MRPL37: variants seen among roughly 807,000 people sequenced by gnomAD.
MRPL37 encodes the protein mitochondrial ribosomal protein L37, also known as large ribosomal subunit protein mL37.
MRPL37 carries 34 observed loss-of-function variants against 44.1 expected under a neutral mutation model. That is an observed-to-expected ratio of 0.77 (90% CI 0.59 to 1.03). The LOEUF is 1.03. Among genes scored for constraint, MRPL37 ranks in the 50% least tolerant of loss-of-function variants. The pLI is 0.00. For missense variants in MRPL37, 532 were observed against 543.7 expected, an observed-to-expected ratio of 0.98 and a Z score of 0.21; for synonymous variants, 212 against 219.5, an observed-to-expected ratio of 0.97 and a Z score of 0.30.
chr1:54,218,854 C>T (rs1644215181), downstream of MRPL37, among the ~76,000 whole-genome samples: 1 of 152,202 alleles, frequency 6.6e-6, no homozygotes, highest in Non-Finnish European at 1.5e-5. Context: ...CTGCACACAC[C>T]CCTTACAAGG....
intron 3 of MRPL37, among the ~76,000 whole-genome samples, chr1:54,207,202 G>A (rs780168700): frequency 6.6e-6 from 1 of 152,156 alleles, no homozygotes; most frequent in Non-Finnish European, 1.5e-5. Flanking sequence ...TGTATTGTCA[G>A]TATCTACTGT....
chr1:54,201,361 G>C (rs1222411226), intron 1 of MRPL37, among the ~76,000 whole-genome samples: 1 of 152,188 alleles, frequency 6.6e-6, no homozygotes, highest in Non-Finnish European at 1.5e-5. Flanking sequence ...CAATTGGCCA[G>C]CCTCTTAAGC....
In MRPL37 at chr1:54,216,190, C is replaced by T. The variant is rs753105572; in HGVS notation, c.1040C>T (p.Thr347Met). The change falls in exon 6 of 7, where the codon ACG (threonine) becomes ATG (methionine). Residue 347 changes from threonine to methionine, a missense_variant. Transcript: ENST00000360840. ...EQPVVVQSVG[T>M]DGRVFHFLVF... ...CCCGTGGTGGTGCAGAGCGTGGGCA[C>T]GGATGGACGTGTCTTCCATTTCCTA... 10 of 1,614,098 alleles carry T rather than the reference C, an allele frequency of 6.2e-6. No homozygotes were observed. The highest frequency in any genetic ancestry group is 4.5e-5 in the East Asian group (2 of 44,902).
At chr1:54,225,114 T>A (rs1003356227), downstream of MRPL37, 13 of 1,234,188 alleles carry the variant, frequency 1.1e-5, no homozygotes, top group African/African-American at 1.6e-4. Context: ...GGAACCTTTT[T>A]CTACTTCCAG....
chr1:54,210,267 G>A (rs1389360685), intron 4 of MRPL37, 136 bp downstream of exon 4: 1 of 783,458 alleles, frequency 1.3e-6, no homozygotes, highest in Non-Finnish European at 2.0e-6. Flanking sequence ...GATCCATGTG[G>A]CAGCCCCATG....
chr1:54,216,487 C>G (rs1644198592), intron 6 of MRPL37, 143 bp downstream of exon 6: 1 of 948,376 alleles, frequency 1.1e-6, no homozygotes, highest in South Asian at 1.6e-5. Flanking sequence ...GCCTGGAGGA[C>G]TCCTTCAGTC....
downstream of MRPL37, chr1:54,225,208 T>C (rs1644268779): frequency 8.1e-7 from 1 of 1,234,308 alleles, no homozygotes. Flanking sequence ...CCCAAATATT[T>C]AAAGTGAGAT....
At chr1:54,210,609 C>A (rs1287160470) in intron 4 of MRPL37, among the ~76,000 whole-genome samples, 1 of 152,154 alleles carries the variant, frequency 6.6e-6, no homozygotes, top group Non-Finnish European at 1.5e-5. Context: ...AGCAAGGGAC[C>A]ACCATGTACT....
downstream of MRPL37, among the ~76,000 whole-genome samples, chr1:54,223,184 A>C (rs987618938): frequency 1.3e-5 from 2 of 152,152 alleles, no homozygotes; most frequent in Non-Finnish European, 2.9e-5. Flanking sequence ...CCCAACTCCA[A>C]GCCCCCAGTG....
At chr1:54,210,680 C>G (rs890389251) in intron 4 of MRPL37, among the ~76,000 whole-genome samples, 3 of 152,196 alleles carry the variant, frequency 2.0e-5, no homozygotes, top group Admixed American at 6.5e-5. Context: ...CTGCCATCCA[C>G]TGTGTCCTCA....
chr1:54,205,152 G>T lies in MRPL37; in HGVS notation c.481G>T (p.Ala161Ser), dbSNP rs771926988. Residue 161 changes from alanine (A) to serine (S), a missense_variant, in exon 2 of 7, where the codon GCC becomes TCC. Ala to Ser is a moderately conservative substitution (Grantham distance 99). Coordinates refer to ENST00000360840, the MANE Select transcript of MRPL37 (RefSeq NM_016491.4). ...GTGCGTTCTGAATGTGATCTCTCAC[G>T]CCCGTCTCTGGCAGACCACTGAGGA... ...DECVLNVISH[A>S]RLWQTTEEIP... is the part of the protein sequence containing the mutation. 1 of 1,614,110 alleles carries T rather than the reference G, an allele frequency of 6.2e-7. No individual in the cohort carries two copies. The highest frequency in any genetic ancestry group is 8.5e-7 in the Non-Finnish European group (1 of 1,180,012).
At chr1:54,206,918 TG>T (rs1644128262) in intron 3 of MRPL37, among the ~76,000 whole-genome samples, 1 of 151,678 alleles carries the variant, frequency 6.6e-6, no homozygotes, top group Non-Finnish European at 1.5e-5. Context: ...TGTGTGTGTG[TG>T]TGTGTGTATT....
rs1254983312 is a variant in MRPL37 at position 54,210,038 on chromosome 1, G to A, written c.739G>A (p.Ala247Thr). 1 of 1,614,068 alleles carries A rather than the reference G, an allele frequency of 6.2e-7. No homozygotes were observed. The highest frequency in any genetic ancestry group is 8.5e-7 in the Non-Finnish European group (1 of 1,180,056). ...PTIASREEIE[A>T]TKNHVLETFY... ...CATCGCCTCCAGAGAGGAGATTGAAGCTACTAAGAATCATGTTCTAGAGAC... is the reference window on the plus strand; with the variant it reads ...CATCGCCTCCAGAGAGGAGATTGAAACTACTAAGAATCATGTTCTAGAGAC... Residue 247 changes from alanine (A) to threonine (T), a missense_variant, in exon 4 of 7, where the codon GCT becomes ACT. Physicochemically the swap from Ala to Thr is moderately conservative, Grantham distance 58. Transcript: ENST00000360840.
At position 54,216,145 on chromosome 1, in the gene MRPL37, A is replaced by G. The variant is rs1445223121; in HGVS notation, c.995A>G (p.Asp332Gly). The change falls in exon 6 of 7, where the codon GAT becomes GGT. Residue 332 changes from aspartate (D) to glycine (G), a missense_variant. Physicochemically the swap from Asp to Gly is moderately conservative, Grantham distance 94. Coordinates refer to ENST00000360840, the MANE Select transcript of MRPL37 (RefSeq NM_016491.4). The stretch of plus-strand genomic sequence containing the variant: ...CTTGTCCCCTTTTCCTCTCAGAATG[A>G]TGCCAAGGTCTTGGAGCAGCCCGTG... The part of the protein sequence containing the change: ...LAQARLLYGN[D>G]AKVLEQPVVV... 1 of 1,614,202 alleles carries G rather than the reference A, an allele frequency of 6.2e-7. No individual in the cohort carries two copies. The highest frequency in any genetic ancestry group is 2.2e-5 in the East Asian group (1 of 44,878).
intron 4 of MRPL37, 86 bp downstream of exon 4, chr1:54,210,217 C>A: frequency 1.5e-6 from 2 of 1,356,898 alleles, no homozygotes; most frequent in Non-Finnish European, 2.1e-6. Context: ...TAAGAACTTG[C>A]TAGGTGCTAG....
At chr1:54,206,663 A>G (rs1256621158) in intron 3 of MRPL37, among the ~76,000 whole-genome samples, 1 of 149,070 alleles carries the variant, frequency 6.7e-6, no homozygotes, top group Non-Finnish European at 1.5e-5. Context: ...GCCCATCTTG[A>G]CCTCCTAAAG....
downstream of MRPL37, among the ~76,000 whole-genome samples, chr1:54,221,692 T>A (rs957472767): frequency 4.0e-5 from 6 of 148,882 alleles, no homozygotes; most frequent in Non-Finnish European, 1.5e-5. Flanking sequence ...CACCACACAC[T>A]CAGACATGTG....
intron 3 of MRPL37, among the ~76,000 whole-genome samples, chr1:54,205,797 T>C (rs1644117667): frequency 6.6e-6 from 1 of 152,226 alleles, no homozygotes; most frequent in African/African-American, 2.4e-5. Flanking sequence ...TCCAAATCCA[T>C]TTTCATCATG....
chr1:54,221,392 T>C (rs10888841), downstream of MRPL37, among the ~76,000 whole-genome samples: 27,290 of 152,050 alleles, frequency 0.18, 2,875 homozygotes, highest in East Asian at 0.48. Context: ...GACTCTCTCT[T>C]TAACATGGAC....
Sources: gnomAD v4.1 joint callset for allele counts (sites outside exome capture counted in the v4.1 genomes callset) on GRCh38, gnomAD v4.1.1 for gene constraint, MANE v1.5 for transcripts, NCBI Gene and HGNC (gene_info 2026-07-23, HGNC 2026-07-21) for gene names.